TBC1D32: variants seen among roughly 807,000 people sequenced by gnomAD.
The protein encoded by TBC1D32 is protein broad-minded.
Under a neutral mutation model 170.3 loss-of-function variants are expected in TBC1D32, and 151 were observed. The observed-to-expected ratio is 0.89, with a 90% CI of 0.78 to 1.01. TBC1D32 has a LOEUF of 1.01. Ranked by LOEUF, TBC1D32 falls within the 50% of genes least tolerant of loss-of-function variation. The pLI is 0.00. For missense variants in TBC1D32, 1,464 were observed against 1,457.1 expected (o/e 1.00, Z -0.08); for synonymous variants, 498 against 488.0 (o/e 1.02, Z -0.27).
Position 121,223,254 on chromosome 6 carries a change from T to C in TBC1D32, c.2463A>G (p.Glu821=). 6.4e-7 allele frequency: 1 copy of C among 1,567,824 alleles called. No individual in the cohort carries two copies. Among genetic ancestry groups the C allele is most frequent in the Non-Finnish European group, 8.6e-7 (1 of 1,159,328 alleles). The change falls in exon 21 of 32, where the codon GAA becomes GAG. Residue 821 remains glutamate, a synonymous_variant. Coordinates refer to ENST00000398212, the MANE Select transcript of TBC1D32 (RefSeq NM_152730.6). ...LPNKTEYSLR[E]VPTCVIDIID... ...GACTTACAATAACACATGTTGGGAC[T>C]TCACGAAGAGAATATTCTGTTTTAT...
At chr6:121,216,542 T>A (rs1165500184) in intron 21 of TBC1D32, among the ~76,000 whole-genome samples, 2 of 152,172 alleles carry the variant, frequency 1.3e-5, no homozygotes, top group African/African-American at 4.8e-5. Flanking sequence ...TCTAAAAGTA[T>A]GGAGAACACT....
intron 22 of TBC1D32, among the ~76,000 whole-genome samples, chr6:121,176,936 C>T (rs1165899581): frequency 6.6e-6 from 1 of 152,098 alleles, no homozygotes; most frequent in South Asian, 2.1e-4. Context: ...AACACGGCAT[C>T]ATAGGTGGAG....
At chr6:121,142,853 C>G (rs1412482466) in intron 24 of TBC1D32, among the ~76,000 whole-genome samples, 13 of 152,114 alleles carry the variant, frequency 8.5e-5, no homozygotes, top group Non-Finnish European at 1.3e-4. Context: ...AATTAAATTA[C>G]TATTTTACTA....
intron 22 of TBC1D32, among the ~76,000 whole-genome samples, chr6:121,179,315 CATGT>C (rs1788211745): frequency 6.8e-6 from 1 of 147,854 alleles, no homozygotes; most frequent in Non-Finnish European, 1.5e-5. Context: ...TGTGTGTGTG[CATGT>C]GTGTGAAAAT....
intron 22 of TBC1D32, among the ~76,000 whole-genome samples, chr6:121,187,035 A>T (rs1789295745): frequency 6.6e-6 from 1 of 152,096 alleles, no homozygotes; most frequent in African/African-American, 2.4e-5. Context: ...TTACCACTAG[A>T]TATATAGAAA....
intron 20 of TBC1D32, among the ~76,000 whole-genome samples, chr6:121,225,431 TAA>T (rs558745706): frequency 6.6e-6 from 1 of 151,974 alleles, no homozygotes; most frequent in Non-Finnish European, 1.5e-5. Flanking sequence ...ACCATAATCA[TAA>T]AAGATTACAA....
chr6:121,240,482 A>C (rs1796831119), intron 19 of TBC1D32, among the ~76,000 whole-genome samples: 1 of 150,194 alleles, frequency 6.7e-6, no homozygotes, highest in African/African-American at 2.4e-5. Context: ...GTATTTAAAG[A>C]GAGAATCAGT....
intron 1 of TBC1D32, among the ~76,000 whole-genome samples, chr6:121,330,591 A>C (rs578218484): frequency 4.2e-4 from 64 of 152,214 alleles, no homozygotes; most frequent in Non-Finnish European, 7.2e-4. Context: ...AAATGCCAGT[A>C]ACTATGCTCT....
chr6:121,120,056 T>C (rs905023), intron 26 of TBC1D32, among the ~76,000 whole-genome samples: 27,887 of 151,970 alleles, frequency 0.18, 3,444 homozygotes, highest in African/African-American at 0.33. Flanking sequence ...AAAAAAATAC[T>C]TGATAAAGGA....
intron 15 of TBC1D32, among the ~76,000 whole-genome samples, chr6:121,267,405 G>C (rs1800679189): frequency 6.6e-6 from 1 of 152,080 alleles, no homozygotes; most frequent in African/African-American, 2.4e-5. Flanking sequence ...TGGAAAATTG[G>C]GACACTCCCA....
At chr6:121,178,566 G>C (rs77446401) in intron 22 of TBC1D32, among the ~76,000 whole-genome samples, 7,854 of 152,170 alleles carry the variant, frequency 0.052, 233 homozygotes, top group African/African-American at 0.079. Flanking sequence ...GCTCTGCATT[G>C]TCCAGATTCT....
At chr6:121,256,375 C>CT in intron 15 of TBC1D32, 90 bp from the exon 16 acceptor site, 1 of 1,071,244 alleles carries the variant, frequency 9.3e-7, no homozygotes, top group Non-Finnish European at 1.3e-6. Flanking sequence ...GTCACAAAAA[C>CT]TTAGTCCTCC....
intron 22 of TBC1D32, among the ~76,000 whole-genome samples, chr6:121,188,824 C>T (rs1270501294): frequency 2.6e-5 from 4 of 152,098 alleles, no homozygotes; most frequent in Non-Finnish European, 5.9e-5. Flanking sequence ...AGACCATGAA[C>T]TATTATCTTC....
chr6:121,313,832 A>G (rs1329359666), intron 3 of TBC1D32, among the ~76,000 whole-genome samples: 1 of 152,194 alleles, frequency 6.6e-6, no homozygotes, highest in Admixed American at 6.5e-5. Flanking sequence ...TCTCAGCAGT[A>G]GTATAAAATC....
At chr6:121,270,845 C>G (rs927428815) in intron 15 of TBC1D32, among the ~76,000 whole-genome samples, 7 of 152,156 alleles carry the variant, frequency 4.6e-5, no homozygotes, top group Admixed American at 3.3e-4. Flanking sequence ...TGATGAACAT[C>G]GATGCAAAAA....
rs74329888 is a variant in TBC1D32 at position 121,081,435 on chromosome 6, G to C, written c.3655-545C>G. ...CCGTTTAACAGTTTAGAGTCTTTTAGGGAATTTTATGACCATTCCTTTTAG... is the reference window on the plus strand; with the variant it reads ...CCGTTTAACAGTTTAGAGTCTTTTACGGAATTTTATGACCATTCCTTTTAG... On this transcript the variant is annotated intron_variant, in intron 31 of 31. Transcript: ENST00000398212. 2.1e-3 allele frequency among the ~76,000 whole-genome samples: 314 copies of C among 152,162 alleles called. 7 individuals are homozygous for C. In the East Asian group the frequency reaches 0.051, roughly 25 times the overall value.
intron 27 of TBC1D32, among the ~76,000 whole-genome samples, chr6:121,113,747 CA>C (rs1779425690): frequency 1.3e-5 from 2 of 152,106 alleles, no homozygotes; most frequent in Non-Finnish European, 2.9e-5. Flanking sequence ...TTCTGTCTTA[CA>C]AAAACTTCTG....
intron 13 of TBC1D32, among the ~76,000 whole-genome samples, chr6:121,283,614 G>C (rs1233713493): frequency 1.3e-5 from 2 of 151,806 alleles, no homozygotes. Flanking sequence ...AAAAAGAGTA[G>C]TAGAGTGGAA....
Position 121,146,517 on chromosome 6 carries a change from C to T in TBC1D32, c.2773+13493G>A, listed in dbSNP as rs1422287734. ...ATAGGAAACATGGCTATTAACTAAA[C>T]GAAGCATGGGGAAGGAGAAGAAGGT... On this transcript the variant is annotated intron_variant, in intron 24 of 31. Coordinates refer to ENST00000398212, the MANE Select transcript of TBC1D32 (RefSeq NM_152730.6). 5.9e-5 allele frequency among the ~76,000 whole-genome samples: 9 copies of T among 151,968 alleles called. No individual in the cohort carries two copies. The East Asian group carries it at 9.6e-4, about 16-fold the overall frequency.
Sources: allele counts gnomAD v4.1 joint callset (sites outside exome capture counted in the v4.1 genomes callset), GRCh38; gene constraint gnomAD v4.1.1; transcripts MANE v1.5; gene names NCBI Gene and HGNC (gene_info 2026-07-23, HGNC 2026-07-21).